Variants in MROH1 observed in about 807,000 individuals in gnomAD.
The protein encoded by MROH1 is maestro heat-like repeat-containing protein family member 1.
Under a neutral mutation model 116.5 loss-of-function variants are expected in MROH1, and 117 were observed. The observed-to-expected ratio is 1.00, with a 90% confidence interval of 0.86 to 1.17. The LOEUF is 1.17. Ranked by LOEUF, MROH1 falls within the 50% of genes most tolerant of loss-of-function variation. MROH1 has a pLI of 0.00. For missense variants in MROH1, 1,873 were observed against 1,338.5 expected (o/e 1.40, Z -6.23); for synonymous variants, 921 against 583.9 (o/e 1.58, Z -8.32).
rs538991662 is a variant in MROH1 at position 144,184,740 on chromosome 8, G to A, written c.562+4217G>A. The stretch of plus-strand genomic sequence containing the variant: ...GGGGCAGGCGTCAGGTGAGCTGGCC[G>A]AGCACCCCCAGCTACAGAGCACGAG... On this transcript the variant is annotated intron_variant, in intron 7 of 43. Transcript: ENST00000326134. 1.6e-4 allele frequency among the ~76,000 whole-genome samples: 25 copies of A among 152,286 alleles called. No individual in the cohort carries two copies. The South Asian group carries it at 1.9e-3, about 11-fold the overall frequency.
At position 144,247,325 on chromosome 8, in the gene MROH1, G is replaced by A; in HGVS notation, c.2896G>A (p.Gly966Ser). The change falls in exon 30 of 44, where the codon GGC becomes AGC. Residue 966 changes from glycine (G) to serine (S), a missense_variant. Gly to Ser is a moderately conservative substitution (Grantham distance 56). Coordinates refer to ENST00000326134, the MANE Select transcript of MROH1 (RefSeq NM_032450.3). ...VSALVPFHNL[G>S]LLIGLFSPRC... ...GGCCCTGGTGCCCTTCCACAACCTG[G>A]GCCTTCTCATCGGCCTCTTCTCCCC... is the stretch of plus-strand genomic sequence containing the variant. The A allele has an allele frequency of 1.3e-6, 1 of 773,114 alleles. No individual in the cohort carries two copies. The highest frequency in any genetic ancestry group is 2.4e-6 in the Non-Finnish European group (1 of 416,234). 47.9% of individuals were successfully genotyped at this position (773,114 alleles called of 1,614,324 possible).
intron 29 of MROH1, among the ~76,000 whole-genome samples, chr8:144,245,704 G>C (rs1389399907): frequency 6.6e-6 from 1 of 152,118 alleles, no homozygotes; most frequent in Non-Finnish European, 1.5e-5. Context: ...CTGTTGCCCA[G>C]GCTGGAGTGC....
intron 37 of MROH1, 109 bp from the exon 38 acceptor site, chr8:144,259,802 C>CGAA: frequency 1.4e-6 from 1 of 701,474 alleles, no homozygotes; most frequent in Non-Finnish European, 2.6e-6. Flanking sequence ...TGCTCCACCT[C>CGAA]TGTCTGCCAC....
chr8:144,209,352 A>T lies in MROH1; in HGVS notation c.1141+8811A>T, dbSNP rs1022748942. Among the ~76,000 whole-genome samples, 13 of 152,038 alleles carry T rather than the reference A, an allele frequency of 8.6e-5. No homozygotes were observed. The South Asian group carries it at 2.3e-3, about 27-fold the overall frequency. On this transcript the variant is annotated intron_variant, in intron 12 of 43. Coordinates refer to ENST00000326134, the MANE Select transcript of MROH1 (RefSeq NM_032450.3). The stretch of plus-strand genomic sequence containing the variant: ...TCCCGGCACTTTGGGAGGCTGAGGC[A>T]GGCGGATCACGAGGTTAGGAGATTG...
chr8:144,159,572 A>C (rs1466566472), intron 1 of MROH1, among the ~76,000 whole-genome samples: 1 of 152,040 alleles, frequency 6.6e-6, no homozygotes, highest in Non-Finnish European at 1.5e-5. Flanking sequence ...TTCTTTGCCC[A>C]TCCTTTTGCT....
chr8:144,234,498 G>GTTTTTTTTTTTT lies in MROH1; in HGVS notation c.1339-4233_1339-4222dup, dbSNP rs1165164431. On this transcript the variant is annotated intron_variant, in intron 14 of 43. Coordinates refer to ENST00000326134, the MANE Select transcript of MROH1 (RefSeq NM_032450.3). Reference sequence around the variant, plus strand: ...AATGGAATTATTTTCTTTCTTTTTCGTTTTTTTTTTTTTTTTTTTTTTTTT... The same window carrying GTTTTTTTTTTTT: ...AATGGAATTATTTTCTTTCTTTTTCGTTTTTTTTTTTTTTTTTTTTTTTTTTTTTTTTTTTTT... Among the ~76,000 whole-genome samples the GTTTTTTTTTTTT allele has an allele frequency of 1.2e-3, 21 of 18,100 alleles. 7 individuals carry two copies. Among genetic ancestry groups the GTTTTTTTTTTTT allele is most frequent in the Non-Finnish European group, 1.4e-3 (11 of 8,118 alleles). The allele number at this position is 18,100 out of a possible 152,430, so 11.9% of individuals were successfully genotyped here.
In MROH1 at chr8:144,239,707, G is replaced by T; in HGVS notation, c.1726G>T (p.Gly576Cys). ...GCACCCAAACATTCACCCTTTGCTG[G>T]GTCAGCATTGGGAAACGACTGTCCC... is the stretch of plus-strand genomic sequence containing the variant. ...VLHPNIHPLL[G>C]QHWETTVPLL... The change falls in exon 18 of 44, where the codon GGT (glycine) becomes TGT (cysteine). Residue 576 changes from glycine (G) to cysteine (C), a missense_variant. Coordinates refer to ENST00000326134, the MANE Select transcript of MROH1 (RefSeq NM_032450.3). The T allele has an allele frequency of 2.7e-6, 2 of 728,776 alleles. No individual in the cohort carries two copies. The highest frequency in any genetic ancestry group is 2.6e-5 in the East Asian group (1 of 38,084). 45.1% of individuals were successfully genotyped at this position (728,776 alleles called of 1,614,324 possible).
At chr8:144,149,672 T>C (rs1816264481) in intron 1 of MROH1, among the ~76,000 whole-genome samples, 1 of 152,170 alleles carries the variant, frequency 6.6e-6, no homozygotes. Context: ...GCTTGGTTTC[T>C]TTGGGGTAGG....
At chr8:144,238,936 C>T in intron 15 of MROH1, 73 bp downstream of exon 15, 1 of 768,546 alleles carries the variant, frequency 1.3e-6, no homozygotes, top group East Asian at 2.4e-5. Flanking sequence ...GTGCTCAGGC[C>T]CAGCAAAGGG....
In MROH1 at chr8:144,187,122, A is replaced by G. The variant is rs1409032147; in HGVS notation, c.563-3662A>G. On this transcript the variant is annotated intron_variant, in intron 7 of 43. Coordinates refer to ENST00000326134, the MANE Select transcript of MROH1 (RefSeq NM_032450.3). ...AAAAAAAAAAAAACAAAACAAAACA[A>G]AACTCAGGCCGGGCATGGTGGCCTA... 2.1e-5 allele frequency among the ~76,000 whole-genome samples: 3 copies of G among 144,210 alleles called. No individual in the cohort carries two copies. In the East Asian group the frequency reaches 6.4e-4, roughly 31 times the overall value. The allele number at this position is 144,210 out of a possible 152,430, so 94.6% of individuals were successfully genotyped here.
chr8:144,239,970 G>C, intron 18 of MROH1, 131 bp from the exon 19 acceptor site: 1 of 708,202 alleles, frequency 1.4e-6, no homozygotes, highest in Admixed American at 2.1e-5. Context: ...GTGCTTCCTG[G>C]GAGCAGGTGG....
intron 4 of MROH1, among the ~76,000 whole-genome samples, chr8:144,171,935 A>G (rs999061274): frequency 2.0e-5 from 3 of 152,208 alleles, no homozygotes; most frequent in African/African-American, 7.2e-5. Flanking sequence ...GAGATTGGAC[A>G]TACCTCGTTA....
At chr8:144,175,495 G>C in intron 4 of MROH1, 1 of 985,432 alleles carries the variant, frequency 1.0e-6, no homozygotes, top group Non-Finnish European at 1.2e-6. Context: ...CCCAGTTCCT[G>C]CACTATACCG....
intron 35 of MROH1, 151 bp from the exon 36 acceptor site, chr8:144,258,626 G>A (rs1844377624): frequency 1.5e-6 from 1 of 656,958 alleles, no homozygotes. Flanking sequence ...CTAGCAGATG[G>A]CCCAGAGCCT....
intron 33 of MROH1, 132 bp from the exon 34 acceptor site, chr8:144,254,681 C>G: frequency 1.6e-6 from 1 of 609,930 alleles, no homozygotes; most frequent in Non-Finnish European, 2.9e-6. Context: ...GAGGCCATTT[C>G]CCAGCTGGCT....
chr8:144,207,243 A>C (rs999252706), intron 12 of MROH1, among the ~76,000 whole-genome samples: 10 of 150,710 alleles, frequency 6.6e-5, no homozygotes, highest in Admixed American at 5.3e-4. Flanking sequence ...GCCGGAGTGC[A>C]GTGGTGCGAT....
intron 12 of MROH1, among the ~76,000 whole-genome samples, chr8:144,204,184 T>C (rs1832336708): frequency 6.6e-6 from 1 of 152,206 alleles, no homozygotes; most frequent in South Asian, 2.1e-4. Flanking sequence ...AGTCATAGCT[T>C]ACTGTAGCCT....
chr8:144,190,938 A>G lies in MROH1; in HGVS notation c.714+3A>G, dbSNP rs1421711056. On this transcript the variant is annotated splice_donor_region_variant and intron_variant, in intron 8 of 43. Coordinates refer to ENST00000326134, the MANE Select transcript of MROH1 (RefSeq NM_032450.3). ...GGCTGCAGAGTCGAGAAGCCAAGGTATGCCCCGTGGCTGCATCAGTCCACG... is the reference window on the plus strand; with the variant it reads ...GGCTGCAGAGTCGAGAAGCCAAGGTGTGCCCCGTGGCTGCATCAGTCCACG... The G allele has an allele frequency of 1.9e-6, 3 of 1,612,614 alleles. No individual in the cohort carries two copies. Among genetic ancestry groups the G allele is most frequent in the East Asian group, 2.2e-5 (1 of 44,864 alleles).
Position 144,244,269 on chromosome 8 carries a change from A to G in MROH1, c.2603A>G (p.His868Arg), listed in dbSNP as rs1482723936. Residue 868 changes from histidine to arginine, a missense_variant, in exon 27 of 44, where the codon CAT becomes CGT. Coordinates refer to ENST00000326134, the MANE Select transcript of MROH1 (RefSeq NM_032450.3). ...GAGCAGGCCCGGGCGGATGTGATCC[A>G]TGGCTGCCTGCACAGCATCATGGCC... is the stretch of plus-strand genomic sequence containing the variant. ...LDEQARADVI[H>R]GCLHSIMALL... The G allele has an allele frequency of 8.3e-6, 6 of 718,660 alleles. No homozygotes were observed. Among genetic ancestry groups the G allele is most frequent in the Non-Finnish European group, 1.3e-5 (5 of 385,192 alleles). The allele number at this position is 718,660 out of a possible 1,614,324, so 44.5% of individuals were successfully genotyped here.
Sources: gnomAD v4.1 joint callset for allele counts (sites outside exome capture counted in the v4.1 genomes callset) on GRCh38, gnomAD v4.1.1 for gene constraint, MANE v1.5 for transcripts, NCBI Gene and HGNC (gene_info 2026-07-23, HGNC 2026-07-21) for gene names.